Variants in CDYL2 observed in about 807,000 individuals in gnomAD.
CDYL2 encodes chromodomain Y-like protein 2.
Under a neutral mutation model 49.4 loss-of-function variants are expected in CDYL2, and 23 were observed. The ratio of observed to expected loss-of-function variants is 0.47; its 90% confidence interval spans 0.34 to 0.66. The LOEUF (loss-of-function observed/expected upper bound fraction) is 0.66. Ranked by LOEUF, CDYL2 falls within the 30% of genes least tolerant of loss-of-function variation. The pLI, the probability that CDYL2 is intolerant of heterozygous loss-of-function variation, is 0.01. For synonymous variants in CDYL2, 360 were observed against 268.8 expected, an observed-to-expected ratio of 1.34 and a Z score of -3.32; for missense variants, 678 against 656.4, an observed-to-expected ratio of 1.03 and a Z score of -0.36.
intron 2 of CDYL2, among the ~76,000 whole-genome samples, chr16:80,684,198 G>A (rs887357672): frequency 5.3e-5 from 8 of 152,212 alleles, no homozygotes; most frequent in Admixed American, 4.6e-4. Flanking sequence ...CGTGTCTTGG[G>A]TCCTGGGGGT....
At chr16:80,694,329 G>T (rs1270722541) in intron 1 of CDYL2, among the ~76,000 whole-genome samples, 1 of 152,226 alleles carries the variant, frequency 6.6e-6, no homozygotes, top group African/African-American at 2.4e-5. Context: ...CCACGGCCTG[G>T]TACCAGTCCA....
chr16:80,639,552 G>A (rs1292956619), intron 2 of CDYL2: 1 of 381,868 alleles, frequency 2.6e-6, no homozygotes, highest in Non-Finnish European at 5.1e-6. Context: ...GGAGCAAGAT[G>A]GCACAATAGA....
rs377173731 is a variant in CDYL2, at chr16:80,755,753, T to C, written c.24+48397A>G. On this transcript the variant is annotated intron_variant, in intron 1 of 6. Coordinates refer to ENST00000570137, the MANE Select transcript of CDYL2 (RefSeq NM_152342.4). ...AAAAAGTAGACCCTAACTTAAATTA[T>C]GGATGTAACTTAATGATAGTGTATG... Among the ~76,000 whole-genome samples, 6 of 152,314 alleles carry C rather than the reference T, an allele frequency of 3.9e-5. 1 individual carries two copies. Among genetic ancestry groups the C allele is most frequent in the African/African-American group, 9.6e-5 (4 of 41,572 alleles).
intron 3 of CDYL2, among the ~76,000 whole-genome samples, chr16:80,629,329 T>C (rs1225847524): frequency 2.6e-5 from 4 of 152,180 alleles, no homozygotes; most frequent in Non-Finnish European, 5.9e-5. Context: ...AGTAGTGGAC[T>C]GTAATGGTTA....
At chr16:80,665,923 A>T (rs1909243299) in intron 2 of CDYL2, among the ~76,000 whole-genome samples, 1 of 152,224 alleles carries the variant, frequency 6.6e-6, no homozygotes, top group Non-Finnish European at 1.5e-5. Flanking sequence ...TTGCTGGCTT[A>T]TGCAACAGAA....
chr16:80,668,202 C>T lies in CDYL2; in HGVS notation c.616+16336G>A, dbSNP rs115331673. Among the ~76,000 whole-genome samples, 203 of 152,326 alleles carry T rather than the reference C, an allele frequency of 1.3e-3. 1 individual carries two copies. The highest frequency in any genetic ancestry group is 4.7e-3 in the African/African-American group (195 of 41,576). ...AGGGAGGCCGTTCCACACGTCCTGA[C>T]TCAGAAAGAGTTCCAAGACAGGCTT... On this transcript the variant is annotated intron_variant, in intron 2 of 6. Transcript: ENST00000570137.
chr16:80,669,382 G>C (rs1179128301), intron 2 of CDYL2, among the ~76,000 whole-genome samples: 1 of 152,146 alleles, frequency 6.6e-6, no homozygotes, highest in Non-Finnish European at 1.5e-5. Context: ...CTCACTGTAA[G>C]ACTCAGGACA....
At chr16:80,717,597 A>G (rs569661303) in intron 1 of CDYL2, among the ~76,000 whole-genome samples, 1 of 152,304 alleles carries the variant, frequency 6.6e-6, no homozygotes, top group African/African-American at 2.4e-5. Flanking sequence ...GAAACTGGAG[A>G]CTGAACCAGA....
chr16:80,681,553 T>C (rs560184248), intron 2 of CDYL2, among the ~76,000 whole-genome samples: 8 of 152,230 alleles, frequency 5.3e-5, no homozygotes, highest in African/African-American at 1.9e-4. Flanking sequence ...TCTTCAACAC[T>C]CTCCTTCTCT....
At chr16:80,618,946 T>G (rs1462157030) in intron 4 of CDYL2, among the ~76,000 whole-genome samples, 1 of 152,190 alleles carries the variant, frequency 6.6e-6, no homozygotes, top group African/African-American at 2.4e-5. Context: ...CTTGGCAGTT[T>G]AAAACAATCA....
At chr16:80,773,449 T>G (rs147062977) in intron 1 of CDYL2, among the ~76,000 whole-genome samples, 11 of 152,288 alleles carry the variant, frequency 7.2e-5, no homozygotes, top group African/African-American at 2.6e-4. Flanking sequence ...CAAGGTTAAA[T>G]ATCTGAATAC....
intron 1 of CDYL2, among the ~76,000 whole-genome samples, chr16:80,728,564 A>C (rs761971133): frequency 5.3e-4 from 81 of 152,176 alleles, no homozygotes; most frequent in Non-Finnish European, 1.1e-3. Flanking sequence ...CTAGCAAGGC[A>C]GGCCAACATT....
intron 1 of CDYL2, among the ~76,000 whole-genome samples, chr16:80,688,424 G>T (rs1910284035): frequency 6.6e-6 from 1 of 152,046 alleles, no homozygotes; most frequent in South Asian, 2.1e-4. Flanking sequence ...TAATAATAAA[G>T]AAAAACTGAA....
At chr16:80,639,677 G>A (rs756890179) in intron 2 of CDYL2, 11 of 455,666 alleles carry the variant, frequency 2.4e-5, no homozygotes, top group Middle Eastern at 3.3e-4. Context: ...CACAGGACCC[G>A]GTTTTAACTT....
chr16:80,689,498 C>A (rs990050291), intron 1 of CDYL2, among the ~76,000 whole-genome samples: 14 of 152,220 alleles, frequency 9.2e-5, no homozygotes, highest in Non-Finnish European at 2.1e-4. Context: ...CTTGATCACA[C>A]AGTCAGTAGC....
rs987113006 is a variant in CDYL2, at chr16:80,804,272, CGT to C, written c.-101_-100del. The C allele has an allele frequency of 2.3e-5, 25 of 1,096,370 alleles. No homozygotes were observed. In the Middle Eastern group the frequency reaches 9.3e-4, roughly 41 times the overall value. 67.9% of individuals were successfully genotyped at this position (1,096,370 alleles called of 1,614,324 possible). A position where few individuals can be genotyped will look rare whatever the true frequency, so the allele number is the denominator to read the frequency against. On this transcript the variant is annotated 5_prime_UTR_variant, in exon 1 of 7. Transcript: ENST00000570137. ...TCCGGTGTGCGCGTGTGTGTGCGCGCGTGTGTGTGCGAGTGTGTGTGGTGTGT... is the reference window on the plus strand; with the variant it reads ...TCCGGTGTGCGCGTGTGTGTGCGCGCGTGTGTGCGAGTGTGTGTGGTGTGT...
At chr16:80,732,785 T>C (rs1905376018) in intron 1 of CDYL2, among the ~76,000 whole-genome samples, 1 of 152,340 alleles carries the variant, frequency 6.6e-6, no homozygotes, top group Middle Eastern at 3.4e-3. Context: ...TTTCCTTTTA[T>C]TCCAATTGTT....
At chr16:80,742,357 T>C (rs77952364) in intron 1 of CDYL2, 39,544 of 151,520 alleles carry the variant, frequency 0.26, 6,540 homozygotes, top group Middle Eastern at 0.49. Flanking sequence ...GACTGACAAA[T>C]GGATGGATGG....
chr16:80,797,880 C>G (rs925075445), intron 1 of CDYL2, among the ~76,000 whole-genome samples: 1 of 152,208 alleles, frequency 6.6e-6, no homozygotes, highest in Non-Finnish European at 1.5e-5. Flanking sequence ...TTCCTCTAAT[C>G]TAATCCACTG....
Sources: allele counts gnomAD v4.1 joint callset (sites outside exome capture counted in the v4.1 genomes callset), GRCh38; gene constraint gnomAD v4.1.1; transcripts MANE v1.5; gene names NCBI Gene and HGNC (gene_info 2026-07-23, HGNC 2026-07-21).